The following C1QTNF3 variants were observed in gnomAD, a reference collection of about 807,000 sequenced individuals.
C1QTNF3 encodes complement C1q tumor necrosis factor-related protein 3.
C1QTNF3 carries 26 observed loss-of-function variants against 32.6 expected under a neutral mutation model. The ratio of observed to expected loss-of-function variants is 0.80; its 90% CI spans 0.58 to 1.11. The LOEUF (loss-of-function observed/expected upper bound fraction) is 1.11. Among genes scored for constraint, C1QTNF3 ranks in the 50% least tolerant of loss-of-function variants. The pLI is 0.00. For missense variants in C1QTNF3, 362 were observed against 398.2 expected, an observed-to-expected ratio of 0.91 and a Z score of 0.77; for synonymous variants, 155 against 146.0, an observed-to-expected ratio of 1.06 and a Z score of -0.44.
chr5:34,044,938 C>T (rs1430361479), upstream of C1QTNF3, among the ~76,000 whole-genome samples: 1 of 152,132 alleles, frequency 6.6e-6, no homozygotes, highest in Non-Finnish European at 1.5e-5. Flanking sequence ...ATTTTCTTCC[C>T]AGACCTGGAG....
At chr5:34,136,503 GA>G in the C1QTNF3 span, among the ~76,000 whole-genome samples, 3 of 152,208 alleles carry the variant, frequency 2.0e-5, no homozygotes, top group Non-Finnish European at 4.4e-5. Flanking sequence ...GGAAACAACA[GA>G]TGCTGGAAAG....
the C1QTNF3 span, among the ~76,000 whole-genome samples, chr5:34,174,835 G>A: frequency 1.3e-5 from 2 of 152,056 alleles, no homozygotes; most frequent in African/African-American, 2.4e-5. Flanking sequence ...CAACTCCTGG[G>A]TTCATGCCAT....
chr5:34,075,311 A>G, the C1QTNF3 span, among the ~76,000 whole-genome samples: 9 of 151,690 alleles, frequency 5.9e-5, no homozygotes, highest in Non-Finnish European at 1.3e-4. Context: ...TGTCTAGGAA[A>G]TAAAGAGGCA....
At chr5:34,054,992 A>G in the C1QTNF3 span, among the ~76,000 whole-genome samples, 1 of 152,236 alleles carries the variant, frequency 6.6e-6, no homozygotes. Flanking sequence ...TTTGCATCAA[A>G]AAGTTACAAG....
the C1QTNF3 span, among the ~76,000 whole-genome samples, chr5:34,207,465 G>A: frequency 6.6e-6 from 1 of 151,856 alleles, no homozygotes; most frequent in Non-Finnish European, 1.5e-5. Context: ...TAAATTTTGT[G>A]GTTGTTCACT....
the C1QTNF3 span, among the ~76,000 whole-genome samples, chr5:34,073,552 C>A: frequency 6.6e-6 from 1 of 152,068 alleles, no homozygotes; most frequent in Non-Finnish European, 1.5e-5. Flanking sequence ...AACAAATCAC[C>A]TTCAACACAC....
At chr5:34,035,903 T>C in intron 1 of C1QTNF3, 145 bp from the exon 2 acceptor site, 1 of 641,078 alleles carries the variant, frequency 1.6e-6, no homozygotes, top group South Asian at 1.9e-5. Context: ...GGGGTGGAGA[T>C]ATCAATGGCA....
At chr5:34,039,099 T>C (rs915932729) in intron 1 of C1QTNF3, among the ~76,000 whole-genome samples, 3 of 152,040 alleles carry the variant, frequency 2.0e-5, no homozygotes, top group African/African-American at 7.2e-5. Flanking sequence ...CTAGGAGCAT[T>C]TGGCTGGTAA....
At chr5:34,075,876 G>GGTGTGTGTGTGT in the C1QTNF3 span, among the ~76,000 whole-genome samples, 18 of 146,944 alleles carry the variant, frequency 1.2e-4, no homozygotes, top group Non-Finnish European at 2.4e-4. Context: ...AAACAATTAT[G>GGTGTGTGTGTGT]GTGTGTGTGT....
the C1QTNF3 span, among the ~76,000 whole-genome samples, chr5:34,059,409 T>C: frequency 1.2e-4 from 19 of 152,140 alleles, no homozygotes; most frequent in Non-Finnish European, 2.5e-4. Context: ...AACTGCCAAA[T>C]ACTAGATGGC....
chr5:34,084,862 T>G, the C1QTNF3 span, among the ~76,000 whole-genome samples: 2 of 147,594 alleles, frequency 1.4e-5, no homozygotes, highest in African/African-American at 5.2e-5. Context: ...TTTGTCAATT[T>G]TGGCTTTTGT....
At chr5:34,127,649 G>A in the C1QTNF3 span, among the ~76,000 whole-genome samples, 6 of 150,536 alleles carry the variant, frequency 4.0e-5, no homozygotes, top group South Asian at 1.3e-3. Flanking sequence ...GTGCAGTGGT[G>A]TGATTTTGGC....
upstream of C1QTNF3, among the ~76,000 whole-genome samples, chr5:34,045,831 C>G (rs1038557064): frequency 6.6e-6 from 1 of 152,020 alleles, no homozygotes; most frequent in African/African-American, 2.4e-5. Flanking sequence ...TGCCAGGGAG[C>G]CTGCCTTCAA....
chr5:34,111,136 A>G, the C1QTNF3 span, among the ~76,000 whole-genome samples: 1 of 152,216 alleles, frequency 6.6e-6, no homozygotes, highest in Non-Finnish European at 1.5e-5. Flanking sequence ...TTTGGAAAGC[A>G]ACATACTTTA....
the C1QTNF3 span, among the ~76,000 whole-genome samples, chr5:34,136,645 C>G: frequency 6.6e-6 from 1 of 152,306 alleles, no homozygotes; most frequent in Admixed American, 6.5e-5. Context: ...AATCACATTA[C>G]TGGGTATATA....
Position 34,025,595 on chromosome 5 carries a change from A to C in C1QTNF3, c.701-1587T>G, listed in dbSNP as rs573630849. Among the ~76,000 whole-genome samples the C allele has an allele frequency of 5.9e-5, 9 of 152,324 alleles. No homozygotes were observed. The South Asian group carries it at 8.3e-4, about 14-fold the overall frequency. On this transcript the variant is annotated intron_variant, in intron 4 of 5. Coordinates refer to ENST00000382065, the MANE Select transcript of C1QTNF3 (RefSeq NM_181435.6). ...CAGCCTTCTCCGTCTCTTCACTCCC[A>C]AAGTTGAAAAGGACAAAATGGTCTT...
At chr5:34,228,184 T>A in the C1QTNF3 span, among the ~76,000 whole-genome samples, 2,046 of 152,072 alleles carry the variant, frequency 0.013, 54 homozygotes, top group African/African-American at 0.047. Context: ...ATCGTCAAAC[T>A]TGCATGGTCT....
At chr5:34,175,618 T>G in the C1QTNF3 span, 2 of 484,326 alleles carry the variant, frequency 4.1e-6, no homozygotes, top group Admixed American at 6.7e-5. Context: ...TTTGACCGTA[T>G]GTGGGAAGCG....
chr5:34,091,956 A>G, the C1QTNF3 span, among the ~76,000 whole-genome samples: 1 of 152,118 alleles, frequency 6.6e-6, no homozygotes, highest in Non-Finnish European at 1.5e-5. Flanking sequence ...TTCAATTGTT[A>G]ACGTTGACTA....
Sources: allele counts gnomAD v4.1 joint callset (sites outside exome capture counted in the v4.1 genomes callset), GRCh38; gene constraint gnomAD v4.1.1; transcripts MANE v1.5; gene names NCBI Gene and HGNC (gene_info 2026-07-23, HGNC 2026-07-21).